Variants in GABRB1 observed in about 807,000 individuals in gnomAD.
GABRB1 encodes gamma-aminobutyric acid type A receptor subunit beta1, also known as gamma-aminobutyric acid receptor subunit beta-1.
A neutral mutation model predicts 51.6 loss-of-function variants in GABRB1; 17 were observed. The observed-to-expected ratio is 0.33, with a 90% CI of 0.23 to 0.49. The LOEUF (loss-of-function observed/expected upper bound fraction) is 0.49. Among genes scored for constraint, GABRB1 ranks in the 20% least tolerant of loss-of-function variants. The pLI is 0.99. For missense variants in GABRB1, 410 were observed against 600.6 expected (o/e 0.68, Z 3.32); for synonymous variants, 247 against 218.9 (o/e 1.13, Z -1.14).
intron 4 of GABRB1, among the ~76,000 whole-genome samples, chr4:47,209,895 T>G (rs1239389741): frequency 2.6e-5 from 4 of 152,292 alleles, no homozygotes; most frequent in South Asian, 2.1e-4. Context: ...CTATACCCTT[T>G]GTAGCTTCTG....
chr4:47,279,120 ATGG>A (rs1723188110), intron 4 of GABRB1, among the ~76,000 whole-genome samples: 1 of 151,908 alleles, frequency 6.6e-6, no homozygotes. Flanking sequence ...GGATGGATGG[ATGG>A]ATGGATGGAT....
chr4:47,120,504 C>A (rs1715729074), intron 3 of GABRB1, among the ~76,000 whole-genome samples: 2 of 152,094 alleles, frequency 1.3e-5, no homozygotes, highest in Non-Finnish European at 2.9e-5. Flanking sequence ...AAGGCAAAAT[C>A]CCCTTTACTC....
intron 3 of GABRB1, among the ~76,000 whole-genome samples, chr4:47,158,643 T>G (rs554988541): frequency 7.2e-5 from 11 of 152,226 alleles, no homozygotes; most frequent in African/African-American, 2.6e-4. Flanking sequence ...AAATTTACAC[T>G]ATGACTGTGG....
At chr4:47,182,523 A>G (rs540266914) in intron 4 of GABRB1, among the ~76,000 whole-genome samples, 1 of 152,086 alleles carries the variant, frequency 6.6e-6, no homozygotes, top group Non-Finnish European at 1.5e-5. Context: ...TCAGAAGATA[A>G]AATCTTATTC....
intron 4 of GABRB1, 36 bp downstream of exon 4, chr4:47,161,505 G>T (rs1221356565): frequency 2.8e-5 from 44 of 1,558,328 alleles, no homozygotes; most frequent in Non-Finnish European, 3.6e-5. Context: ...TAATGTTGTT[G>T]TTGTTTTGTT....
intron 5 of GABRB1, among the ~76,000 whole-genome samples, chr4:47,385,054 C>T (rs534845059): frequency 2.0e-5 from 3 of 152,248 alleles, no homozygotes; most frequent in East Asian, 1.9e-4. Context: ...AATATTAACA[C>T]GAAAGACTTT....
intron 4 of GABRB1, among the ~76,000 whole-genome samples, chr4:47,304,785 G>A (rs1039881047): frequency 2.6e-5 from 4 of 151,982 alleles, no homozygotes; most frequent in Non-Finnish European, 5.9e-5. Flanking sequence ...TTTATGTATG[G>A]AGCTACTAAA....
intron 8 of GABRB1, among the ~76,000 whole-genome samples, chr4:47,409,283 G>C (rs529748744): frequency 1.1e-3 from 169 of 152,268 alleles, no homozygotes; most frequent in African/African-American, 3.9e-3. Context: ...GTTCTTGTCT[G>C]GAGTCCAGGA....
At chr4:47,039,337 T>C (rs1416254557) in intron 3 of GABRB1, among the ~76,000 whole-genome samples, 1 of 134,764 alleles carries the variant, frequency 7.4e-6, no homozygotes, top group Non-Finnish European at 1.6e-5. Flanking sequence ...TTGATCCAAC[T>C]ACTCAAGCAG....
At chr4:46,998,245 G>A (rs1724063894) in intron 1 of GABRB1, among the ~76,000 whole-genome samples, 1 of 151,992 alleles carries the variant, frequency 6.6e-6, no homozygotes. Flanking sequence ...ATGAAATTTG[G>A]AAAGTCACCT....
intron 4 of GABRB1, among the ~76,000 whole-genome samples, chr4:47,183,345 C>CATATATATAT (rs57840134): frequency 1.4e-3 from 169 of 124,400 alleles, no homozygotes; most frequent in South Asian, 1.7e-3. Flanking sequence ...TGTGTGTGTG[C>CATATATATAT]ATATATATAT....
rs147260459 is a variant in GABRB1, at chr4:47,102,883, C to T, written c.241-58366C>T. Among the ~76,000 whole-genome samples the T allele has an allele frequency of 1.3e-3, 192 of 152,036 alleles. 1 individual carries two copies. Among genetic ancestry groups the T allele is most frequent in the Middle Eastern group, 6.8e-3 (2 of 294 alleles). ...TGTAACAGTCTAGGTGAAGAACGAC[C>T]AGCCACAATCACATAAATGGTGGAG... is the stretch of plus-strand genomic sequence containing the variant. On this transcript the variant is annotated intron_variant, in intron 3 of 8. Transcript: ENST00000295454.
chr4:47,240,097 C>A (rs1463992613), intron 4 of GABRB1, among the ~76,000 whole-genome samples: 1 of 152,304 alleles, frequency 6.6e-6, no homozygotes, highest in East Asian at 1.9e-4. Flanking sequence ...TTAGGAGTTA[C>A]CATCTGACCC....
intron 3 of GABRB1, among the ~76,000 whole-genome samples, chr4:47,073,599 G>T (rs779326698): frequency 2.6e-5 from 4 of 152,180 alleles, no homozygotes; most frequent in Non-Finnish European, 5.9e-5. Context: ...GGAAATATTG[G>T]CCTTTTGTCT....
chr4:47,141,704 C>T (rs868283684), intron 3 of GABRB1, among the ~76,000 whole-genome samples: 2 of 151,914 alleles, frequency 1.3e-5, no homozygotes, highest in East Asian at 1.9e-4. Flanking sequence ...TAAGCTAGCA[C>T]GAGAGTGCTT....
intron 3 of GABRB1, among the ~76,000 whole-genome samples, chr4:47,141,028 C>T (rs1001759985): frequency 6.6e-6 from 1 of 151,614 alleles, no homozygotes; most frequent in Non-Finnish European, 1.5e-5. Context: ...AGGTAGAAAA[C>T]ATTTCAGTAC....
intron 3 of GABRB1, among the ~76,000 whole-genome samples, chr4:47,087,249 C>A (rs1042017289): frequency 1.3e-5 from 2 of 151,044 alleles, no homozygotes; most frequent in Admixed American, 6.6e-5. Context: ...GGACTCCAGG[C>A]GTATGATACA....
At chr4:47,275,663 T>C (rs2109899449) in intron 4 of GABRB1, among the ~76,000 whole-genome samples, 1 of 152,268 alleles carries the variant, frequency 6.6e-6, no homozygotes, top group East Asian at 1.9e-4. Flanking sequence ...CCTGTGTTAT[T>C]AGGTTTCCAA....
chr4:47,404,939 G>C (rs1424205630), intron 7 of GABRB1, among the ~76,000 whole-genome samples: 1 of 152,172 alleles, frequency 6.6e-6, no homozygotes, highest in African/African-American at 2.4e-5. Context: ...AGAGATGTCA[G>C]TATATAAAGG....
Sources: gnomAD v4.1 joint callset for allele counts (sites outside exome capture counted in the v4.1 genomes callset) on GRCh38, gnomAD v4.1.1 for gene constraint, MANE v1.5 for transcripts, NCBI Gene and HGNC (gene_info 2026-07-23, HGNC 2026-07-21) for gene names.